Variants in SIL1 observed in about 807,000 individuals in gnomAD.
SIL1 encodes the protein nucleotide exchange factor SIL1.
SIL1 carries 40 observed loss-of-function variants against 49.1 expected under a neutral mutation model. The observed-to-expected ratio is 0.81, with a 90% CI of 0.63 to 1.06. The LOEUF (loss-of-function observed/expected upper bound fraction) is 1.06. SIL1 is among the 50% of genes least tolerant of loss of function. The pLI is 0.00. For synonymous variants in SIL1, 253 were observed against 250.8 expected, an observed-to-expected ratio of 1.01 and a Z score of -0.08; for missense variants, 500 against 572.6, an observed-to-expected ratio of 0.87 and a Z score of 1.29.
chr5:139,000,779 T>C (rs1394208205), intron 7 of SIL1, among the ~76,000 whole-genome samples: 3 of 151,940 alleles, frequency 2.0e-5, no homozygotes, highest in Non-Finnish European at 2.9e-5. Flanking sequence ...ACATAAGCAA[T>C]GTGAAATGAC....
At chr5:139,142,374 T>C (rs1751097015) in intron 1 of SIL1, among the ~76,000 whole-genome samples, 3 of 152,102 alleles carry the variant, frequency 2.0e-5, no homozygotes, top group Admixed American at 2.0e-4. Context: ...ATAATATACA[T>C]GCAAAAAATC....
At chr5:139,019,389 T>C (rs1055768439) in intron 7 of SIL1, among the ~76,000 whole-genome samples, 2 of 152,202 alleles carry the variant, frequency 1.3e-5, no homozygotes, top group Non-Finnish European at 2.9e-5. Context: ...TGCTGTTGGC[T>C]TCCAAAAGCT....
At position 139,049,198 on chromosome 5, in the gene SIL1, A is replaced by G. The variant is rs59057026; in HGVS notation, c.353+1740T>C. Among the ~76,000 whole-genome samples, 963 of 152,134 alleles carry G rather than the reference A, an allele frequency of 6.3e-3. 6 individuals carry two copies. The highest frequency in any genetic ancestry group is 0.022 in the African/African-American group (916 of 41,516). ...TTTTGTTTTAGTTTTTCTGAGACAG[A>G]GTCTCGCTCTGCCACCCAGGCTGGA... On this transcript the variant is annotated intron_variant, in intron 4 of 9. Coordinates refer to ENST00000394817, the MANE Select transcript of SIL1 (RefSeq NM_022464.5).
intron 1 of SIL1, among the ~76,000 whole-genome samples, chr5:139,145,399 C>T (rs11959691): frequency 0.26 from 39,489 of 152,080 alleles, 6,193 homozygotes; most frequent in Middle Eastern, 0.37. Context: ...GTTGCAGCTG[C>T]TATGGAAAAG....
intron 1 of SIL1, among the ~76,000 whole-genome samples, chr5:139,171,633 C>A (rs1751771712): frequency 6.6e-6 from 1 of 151,444 alleles, no homozygotes; most frequent in South Asian, 2.1e-4. Flanking sequence ...GCTGACCTTC[C>A]CTCCACTATT....
At chr5:139,015,326 G>A (rs1299493625) in intron 7 of SIL1, among the ~76,000 whole-genome samples, 1 of 152,006 alleles carries the variant, frequency 6.6e-6, no homozygotes, top group African/African-American at 2.4e-5. Context: ...ATGCTATGAA[G>A]ATCAACAGGA....
At chr5:139,068,472 G>A (rs114418176) in intron 3 of SIL1, among the ~76,000 whole-genome samples, 1,785 of 152,020 alleles carry the variant, frequency 0.012, 35 homozygotes, top group African/African-American at 0.04. Context: ...GAGAAAATAC[G>A]GCTAGAAGTG....
chr5:138,994,963 T>C (rs1299724776), intron 7 of SIL1, among the ~76,000 whole-genome samples: 1 of 152,170 alleles, frequency 6.6e-6, no homozygotes, highest in Non-Finnish European at 1.5e-5. Flanking sequence ...TATGTGGTGT[T>C]TGGTTTTCTG....
intron 7 of SIL1, among the ~76,000 whole-genome samples, chr5:139,018,550 A>G (rs1173375712): frequency 6.9e-6 from 1 of 144,266 alleles, no homozygotes; most frequent in Admixed American, 7.2e-5. Flanking sequence ...AGATCGGGCC[A>G]CTGTACTCCA....
At chr5:138,958,632 G>T (rs928340813) in intron 7 of SIL1, among the ~76,000 whole-genome samples, 1 of 151,944 alleles carries the variant, frequency 6.6e-6, no homozygotes, top group African/African-American at 2.4e-5. Flanking sequence ...TCAACATGAT[G>T]CTCAAAGGAA....
chr5:139,192,223 CAAAA>C (rs71574438), intron 1 of SIL1, among the ~76,000 whole-genome samples: 2 of 107,148 alleles, frequency 1.9e-5, no homozygotes, highest in African/African-American at 3.6e-5. Context: ...GACCCCATCT[CAAAA>C]AAAAAAAAAA....
intron 7 of SIL1, among the ~76,000 whole-genome samples, chr5:138,979,077 T>A (rs189957142): frequency 6.6e-5 from 10 of 152,188 alleles, no homozygotes; most frequent in Non-Finnish European, 1.3e-4. Context: ...TTATTTTATT[T>A]TTTTTTTGAG....
chr5:138,967,242 T>G (rs1297008666), intron 7 of SIL1, among the ~76,000 whole-genome samples: 2 of 152,208 alleles, frequency 1.3e-5, no homozygotes, highest in African/African-American at 4.8e-5. Flanking sequence ...ACCAGCAGTA[T>G]CTGGGAGCTA....
chr5:139,193,347 T>G (rs1752209869), intron 1 of SIL1, among the ~76,000 whole-genome samples: 1 of 152,258 alleles, frequency 6.6e-6, no homozygotes, highest in East Asian at 1.9e-4. Context: ...GCAGATCACT[T>G]AAGGCCAGGA....
intron 1 of SIL1, among the ~76,000 whole-genome samples, chr5:139,170,580 G>A (rs542933982): frequency 7.9e-5 from 12 of 151,496 alleles, no homozygotes; most frequent in East Asian, 3.9e-4. Context: ...GAGGTGAGGA[G>A]CGTCTCTGCC....
intron 7 of SIL1, among the ~76,000 whole-genome samples, chr5:139,002,770 C>T (rs1166613155): frequency 2.0e-5 from 3 of 152,262 alleles, no homozygotes; most frequent in South Asian, 4.1e-4. Context: ...CCTAGGAGGG[C>T]TCCTTCCAAC....
chr5:139,185,295 C>T (rs917003373), intron 1 of SIL1, among the ~76,000 whole-genome samples: 12 of 152,226 alleles, frequency 7.9e-5, no homozygotes, highest in African/African-American at 2.9e-4. Flanking sequence ...CCGGGATGGG[C>T]TCTGGCCACC....
At chr5:138,975,217 G>A in intron 7 of SIL1, among the ~76,000 whole-genome samples, 1 of 152,136 alleles carries the variant, frequency 6.6e-6, no homozygotes, top group South Asian at 2.1e-4. Context: ...CTGGTCAGCT[G>A]GTCAATCCAT....
chr5:138,957,449 T>C (rs970371561), intron 7 of SIL1, among the ~76,000 whole-genome samples: 2 of 147,372 alleles, frequency 1.4e-5, no homozygotes, highest in Non-Finnish European at 3.0e-5. Flanking sequence ...CCGGGCATGG[T>C]GGTATGCACC....
Sources: allele counts gnomAD v4.1 joint callset (sites outside exome capture counted in the v4.1 genomes callset), GRCh38; gene constraint gnomAD v4.1.1; transcripts MANE v1.5; gene names NCBI Gene and HGNC (gene_info 2026-07-23, HGNC 2026-07-21).